TMEM41B: variants seen among roughly 807,000 people sequenced by gnomAD.
The protein encoded by TMEM41B is transmembrane protein 41B, also known as protein stasimon.
TMEM41B carries 18 observed loss-of-function variants against 31.9 expected under a neutral mutation model. That is an observed-to-expected ratio of 0.56 (90% CI 0.39 to 0.84). TMEM41B has a LOEUF of 0.84. Among genes scored for constraint, TMEM41B ranks in the 40% least tolerant of loss-of-function variants. The pLI, the probability that TMEM41B is intolerant of heterozygous loss-of-function variation, is 0.00. For missense variants in TMEM41B, 322 were observed against 348.0 expected, an observed-to-expected ratio of 0.93 and a Z score of 0.59; for synonymous variants, 144 against 124.3, an observed-to-expected ratio of 1.16 and a Z score of -1.05.
At chr11:9,305,212 A>G (rs184077446) in intron 1 of TMEM41B, among the ~76,000 whole-genome samples, 5 of 152,230 alleles carry the variant, frequency 3.3e-5, no homozygotes, top group East Asian at 3.9e-4. Context: ...ATATATATAT[A>G]TAAGTATTGA....
intron 6 of TMEM41B, among the ~76,000 whole-genome samples, chr11:9,285,721 A>G (rs1852820879): frequency 6.6e-6 from 1 of 152,112 alleles, no homozygotes; most frequent in Admixed American, 6.6e-5. Context: ...GTAAAAGGAA[A>G]AATAGGATCA....
intron 2 of TMEM41B, 82 bp downstream of exon 2, chr11:9,299,502 C>T: frequency 2.2e-6 from 2 of 924,584 alleles, no homozygotes; most frequent in Non-Finnish European, 3.4e-6. Context: ...AGATTACAGG[C>T]ATCAGCTACT....
intron 1 of TMEM41B, chr11:9,311,490 C>A (rs1191343536): frequency 7.7e-6 from 11 of 1,424,392 alleles, no homozygotes; most frequent in African/African-American, 4.2e-5. Context: ...TCCTGGATAC[C>A]CTGGCTGTGG....
intron 5 of TMEM41B, 57 bp from the exon 6 acceptor site, chr11:9,286,650 C>G: frequency 6.6e-7 from 1 of 1,514,142 alleles, no homozygotes; most frequent in Non-Finnish European, 8.9e-7. Flanking sequence ...AAATAAGTTG[C>G]TTAATATAAA....
At chr11:9,288,275 C>A (rs1264670351) in intron 4 of TMEM41B, among the ~76,000 whole-genome samples, 167 bp downstream of exon 4, 2 of 152,118 alleles carry the variant, frequency 1.3e-5, no homozygotes, top group Non-Finnish European at 2.9e-5. Context: ...TTGGTCTGTT[C>A]TGGGGGAAAA....
At chr11:9,300,221 A>G (rs1853214476) in intron 1 of TMEM41B, among the ~76,000 whole-genome samples, 1 of 152,348 alleles carries the variant, frequency 6.6e-6, no homozygotes, top group African/African-American at 2.4e-5. Context: ...TTTTAGAAGT[A>G]TGAAAAAGCA....
intron 1 of TMEM41B, among the ~76,000 whole-genome samples, chr11:9,302,160 C>T (rs111374959): frequency 1.3e-5 from 1 of 77,186 alleles, no homozygotes; most frequent in Admixed American, 1.2e-4. Context: ...ACACCTGCCA[C>T]GATGCCCGGC....
chr11:9,309,532 T>TTTTTTTTTTTTTG (rs1193983525), intron 1 of TMEM41B, among the ~76,000 whole-genome samples: 1 of 150,496 alleles, frequency 6.6e-6, no homozygotes, highest in South Asian at 2.1e-4. Context: ...CTTCTTTCTG[T>TTTTTTTTTTTTTG]AAGCCAGTAC....
intron 6 of TMEM41B, among the ~76,000 whole-genome samples, chr11:9,285,335 G>A (rs2133608494): frequency 6.6e-6 from 1 of 152,028 alleles, no homozygotes; most frequent in South Asian, 2.1e-4. Context: ...CACCCGCCTT[G>A]GCCTACCAAA....
At chr11:9,292,750 C>T (rs573934038) in intron 3 of TMEM41B, among the ~76,000 whole-genome samples, 3 of 152,168 alleles carry the variant, frequency 2.0e-5, no homozygotes, top group Admixed American at 1.3e-4. Context: ...CAGCCTGCCT[C>T]GGTCTCCCAA....
At chr11:9,290,797 G>GAA (rs1344200139) in intron 3 of TMEM41B, among the ~76,000 whole-genome samples, 1 of 152,080 alleles carries the variant, frequency 6.6e-6, no homozygotes, top group African/African-American at 2.4e-5. Context: ...AAACAAAGTA[G>GAA]AGAAACTAGT....
chr11:9,288,623 A>C, intron 3 of TMEM41B, 88 bp from the exon 4 acceptor site: 1 of 896,142 alleles, frequency 1.1e-6, no homozygotes, highest in Non-Finnish European at 1.7e-6. Flanking sequence ...GTATAAATAC[A>C]AAAATTATCA....
In TMEM41B at chr11:9,287,783, G is replaced by C. The variant is rs753253074; in HGVS notation, c.486C>G (p.Phe162Leu). The change falls in exon 5 of 7, where the codon TTC becomes TTG. Residue 162 changes from phenylalanine (F) to leucine (L), a missense_variant. By Grantham distance (22) the Phe-to-Leu change is conservative. Around this residue, in one of 3 missense-constraint regions of TMEM41B, gnomAD observed 47 missense variants for 84.8 expected, o/e 0.55. Transcript: ENST00000528080. ...VCLCSGLGASFCYMLSYLVGR... is the reference protein window; with the variant it reads ...VCLCSGLGASLCYMLSYLVGR... ...CAACTAAATAGGAAAGCATATAACAGAAAGAGGCACCAAGTCCAGAACACT... is the reference window on the plus strand; with the variant it reads ...CAACTAAATAGGAAAGCATATAACACAAAGAGGCACCAAGTCCAGAACACT... The C allele has an allele frequency of 1.9e-6, 3 of 1,612,890 alleles. No individual in the cohort carries two copies. Among genetic ancestry groups the C allele is most frequent in the South Asian group, 2.2e-5 (2 of 90,834 alleles).
chr11:9,294,340 C>A (rs1853034897), intron 3 of TMEM41B, among the ~76,000 whole-genome samples: 1 of 151,470 alleles, frequency 6.6e-6, no homozygotes, highest in African/African-American at 2.4e-5. Context: ...ACTGAAAATA[C>A]AAAAATTAAC....
intron 6 of TMEM41B, 40 bp from the exon 7 acceptor site, chr11:9,283,633 A>G (rs1214060416): frequency 6.5e-7 from 1 of 1,530,636 alleles, no homozygotes; most frequent in Non-Finnish European, 8.8e-7. Flanking sequence ...AAACCACCGC[A>G]ATTGTTTTTA....
intron 1 of TMEM41B, among the ~76,000 whole-genome samples, chr11:9,310,926 T>C (rs928265204): frequency 6.6e-6 from 1 of 152,202 alleles, no homozygotes; most frequent in African/African-American, 2.4e-5. Flanking sequence ...TTTTTCATCA[T>C]AATTAAATTT....
intron 6 of TMEM41B, among the ~76,000 whole-genome samples, chr11:9,284,011 C>G (rs927889268): frequency 6.6e-6 from 1 of 151,816 alleles, no homozygotes; most frequent in Non-Finnish European, 1.5e-5. Flanking sequence ...CTCAAACTCC[C>G]GACCTCAGAT....
intron 2 of TMEM41B, among the ~76,000 whole-genome samples, chr11:9,297,365 A>G (rs763871250): frequency 1.4e-4 from 22 of 152,180 alleles, no homozygotes; most frequent in Non-Finnish European, 1.8e-4. Flanking sequence ...GGTTACAGGC[A>G]TGAGCCACCG....
chr11:9,302,203 G>T lies in TMEM41B; in HGVS notation c.122-2502C>A, dbSNP rs1008512897. Among the ~76,000 whole-genome samples the T allele has an allele frequency of 2.1e-5, 2 of 97,538 alleles. 1 individual carries two copies. The highest frequency in any genetic ancestry group is 4.4e-5 in the Non-Finnish European group (2 of 45,924). The allele number at this position is 97,538 out of a possible 152,430, so 64.0% of individuals were successfully genotyped here. On this transcript the variant is annotated intron_variant, in intron 1 of 6. Coordinates refer to ENST00000528080, the MANE Select transcript of TMEM41B (RefSeq NM_015012.4). ...TTTTTGTATTTTTAGTAGGGATGGG[G>T]TTTCACCATGTTAGCCAGGATGGTC...
Sources: allele counts gnomAD v4.1 joint callset (sites outside exome capture counted in the v4.1 genomes callset), GRCh38; gene constraint gnomAD v4.1.1; regional missense constraint gnomAD v4.1.1; transcripts MANE v1.5; gene names NCBI Gene and HGNC (gene_info 2026-07-23, HGNC 2026-07-21).